Variants in GRID2 observed in about 807,000 individuals in gnomAD.
The protein encoded by GRID2 is glutamate receptor ionotropic, delta-2.
Under a neutral mutation model 114.8 loss-of-function variants are expected in GRID2, and 33 were observed. The ratio of observed to expected loss-of-function variants is 0.29; its 90% CI spans 0.22 to 0.38. GRID2 has a LOEUF of 0.38. Ranked by LOEUF, GRID2 falls within the 10% of genes least tolerant of loss-of-function variation. GRID2 has a pLI of 1.00. For synonymous variants in GRID2, 505 were observed against 449.9 expected (o/e 1.12, Z -1.55); for missense variants, 1,184 against 1,257.7 (o/e 0.94, Z 0.89).
At chr4:93,630,346 A>G (rs909360978) in intron 14 of GRID2, among the ~76,000 whole-genome samples, 10 of 152,206 alleles carry the variant, frequency 6.6e-5, no homozygotes, top group Admixed American at 1.3e-4. Context: ...GCCTCATTAA[A>G]GGCATTCAAG....
chr4:93,095,265 T>C (rs1034002921), intron 3 of GRID2, among the ~76,000 whole-genome samples: 1 of 151,960 alleles, frequency 6.6e-6, no homozygotes, highest in African/African-American at 2.4e-5. Flanking sequence ...CCTAATGCTA[T>C]CCCTCCCCTA....
intron 2 of GRID2, among the ~76,000 whole-genome samples, chr4:92,876,454 G>A (rs1029917898): frequency 4.6e-5 from 7 of 151,918 alleles, no homozygotes; most frequent in African/African-American, 1.7e-4. Context: ...ACAGGTGCCT[G>A]CCACCACACC....
At chr4:93,590,735 C>T (rs1354107982) in intron 13 of GRID2, among the ~76,000 whole-genome samples, 1 of 152,124 alleles carries the variant, frequency 6.6e-6, no homozygotes, top group Non-Finnish European at 1.5e-5. Context: ...TTTCCGTGAG[C>T]AGCGGTTTGT....
At chr4:93,534,490 C>T (rs1560724003) in intron 13 of GRID2, among the ~76,000 whole-genome samples, 1 of 151,966 alleles carries the variant, frequency 6.6e-6, no homozygotes, top group Non-Finnish European at 1.5e-5. Flanking sequence ...TTCTAGTATA[C>T]CCTGCACTAG....
At chr4:93,206,222 A>C (rs1213359142) in intron 4 of GRID2, among the ~76,000 whole-genome samples, 2 of 152,128 alleles carry the variant, frequency 1.3e-5, no homozygotes, top group Non-Finnish European at 2.9e-5. Context: ...ACTTGTACCA[A>C]GTGTTAAAAA....
At chr4:92,482,836 A>G (rs1262826459) in intron 1 of GRID2, among the ~76,000 whole-genome samples, 1 of 152,210 alleles carries the variant, frequency 6.6e-6, no homozygotes, top group African/African-American at 2.4e-5. Context: ...TTATTTTACA[A>G]TATTAAATGC....
chr4:93,425,294 G>C (rs919442883), intron 10 of GRID2, among the ~76,000 whole-genome samples: 3 of 152,144 alleles, frequency 2.0e-5, no homozygotes, highest in Admixed American at 6.5e-5. Flanking sequence ...TGCTTCAGTG[G>C]ATAGTTAAAT....
At chr4:92,907,811 G>A (rs1486174949) in intron 2 of GRID2, among the ~76,000 whole-genome samples, 2 of 151,924 alleles carry the variant, frequency 1.3e-5, no homozygotes, top group African/African-American at 2.4e-5. Context: ...ATCACCTGAG[G>A]TTAGGAGTTC....
intron 14 of GRID2, among the ~76,000 whole-genome samples, chr4:93,678,749 G>C (rs190875872): frequency 0.014 from 2,093 of 148,518 alleles, 121 homozygotes; most frequent in African/African-American, 0.05. Context: ...TCACCAACAG[G>C]CCTGCCCTAA....
chr4:93,717,448 C>T (rs1038593183), intron 14 of GRID2, among the ~76,000 whole-genome samples: 2 of 151,518 alleles, frequency 1.3e-5, no homozygotes, highest in Admixed American at 6.6e-5. Flanking sequence ...AGAATTGAAA[C>T]TAAACACTTC....
chr4:93,075,883 C>CTTTTTTTTTTTT (rs10706922), intron 2 of GRID2, among the ~76,000 whole-genome samples: 4 of 76,606 alleles, frequency 5.2e-5, no homozygotes, highest in African/African-American at 5.3e-5. Flanking sequence ...AGTTACCTCT[C>CTTTTTTTTTTTT]TTTTTTTTTT....
At chr4:93,251,072 C>T (rs1748864352) in intron 8 of GRID2, among the ~76,000 whole-genome samples, 2 of 152,030 alleles carry the variant, frequency 1.3e-5, no homozygotes, top group Admixed American at 1.3e-4. Context: ...TCATGCCTTT[C>T]TTTCACAATA....
chr4:92,462,376 C>T (rs142575298), intron 1 of GRID2, among the ~76,000 whole-genome samples: 1 of 152,154 alleles, frequency 6.6e-6, no homozygotes, highest in Non-Finnish European at 1.5e-5. Context: ...AGAGAATTAA[C>T]TGCCTTTCAT....
intron 10 of GRID2, among the ~76,000 whole-genome samples, chr4:93,448,309 T>C (rs1005366970): frequency 6.6e-6 from 1 of 151,826 alleles, no homozygotes; most frequent in African/African-American, 2.4e-5. Flanking sequence ...ATAATAAAAG[T>C]GCAAATCTTT....
intron 4 of GRID2, among the ~76,000 whole-genome samples, chr4:93,151,596 A>C (rs987570046): frequency 2.0e-5 from 3 of 152,182 alleles, no homozygotes; most frequent in African/African-American, 4.8e-5. Flanking sequence ...TGACACTTAC[A>C]AACTATGAAT....
intron 4 of GRID2, among the ~76,000 whole-genome samples, chr4:93,138,176 T>C (rs1383048455): frequency 1.3e-5 from 2 of 152,030 alleles, no homozygotes; most frequent in Non-Finnish European, 2.9e-5. Flanking sequence ...GGTTTTACCA[T>C]GTTGCCCAGG....
intron 13 of GRID2, among the ~76,000 whole-genome samples, chr4:93,520,730 A>G (rs1006457345): frequency 6.6e-6 from 1 of 152,174 alleles, no homozygotes; most frequent in Non-Finnish European, 1.5e-5. Flanking sequence ...AATGGAAGGC[A>G]GCTAAATTTC....
chr4:93,198,542 C>T (rs952449444), intron 4 of GRID2, among the ~76,000 whole-genome samples: 1 of 152,056 alleles, frequency 6.6e-6, no homozygotes, highest in Non-Finnish European at 1.5e-5. Flanking sequence ...AAAATACGTA[C>T]AACATGGCCC....
chr4:92,629,465 C>T (rs1220269918), intron 2 of GRID2, among the ~76,000 whole-genome samples: 2 of 152,030 alleles, frequency 1.3e-5, no homozygotes, highest in Non-Finnish European at 2.9e-5. Flanking sequence ...GGCGACTCCC[C>T]TAGGTATTCA....
Sources: gnomAD v4.1 joint callset for allele counts (sites outside exome capture counted in the v4.1 genomes callset) on GRCh38, gnomAD v4.1.1 for gene constraint, MANE v1.5 for transcripts, NCBI Gene and HGNC (gene_info 2026-07-23, HGNC 2026-07-21) for gene names.